The following TGFA variants were observed in gnomAD, a reference collection of about 807,000 sequenced individuals.
The protein encoded by TGFA is protransforming growth factor alpha.
In TGFA, 12 loss-of-function variants were observed where a neutral mutation model predicts 21.7. The observed-to-expected ratio is 0.55, with a 90% CI of 0.35 to 0.90. The LOEUF (loss-of-function observed/expected upper bound fraction) is 0.90. Among genes scored for constraint, TGFA ranks in the 40% least tolerant of loss-of-function variants. TGFA has a pLI of 0.01. For missense variants in TGFA, 178 were observed against 210.8 expected, an observed-to-expected ratio of 0.84 and a Z score of 0.96; for synonymous variants, 79 against 88.1, an observed-to-expected ratio of 0.90 and a Z score of 0.58.
intron 2 of TGFA, among the ~76,000 whole-genome samples, chr2:70,494,832 T>C (rs1433703725): frequency 6.6e-6 from 1 of 152,232 alleles, no homozygotes; most frequent in Non-Finnish European, 1.5e-5. Context: ...GTGTTAAAAT[T>C]TTTGTTATTG....
Position 70,504,068 on chromosome 2 carries a change from C to G in TGFA, c.94+10791G>C, listed in dbSNP as rs61547236. Among the ~76,000 whole-genome samples, 724 of 152,230 alleles carry G rather than the reference C, an allele frequency of 4.8e-3. 7 individuals carry two copies. The highest frequency in any genetic ancestry group is 0.017 in the African/African-American group (706 of 41,530). On this transcript the variant is annotated intron_variant, in intron 2 of 5. Transcript: ENST00000295400. ...ATTTACAATAATAAGAACCTAGACA[C>G]CACAGAACAAAGTCCATCACAGGAA...
At chr2:70,506,155 G>A (rs782448145) in intron 2 of TGFA, among the ~76,000 whole-genome samples, 8 of 152,228 alleles carry the variant, frequency 5.3e-5, no homozygotes, top group African/African-American at 1.9e-4. Context: ...GAGAGAAGAC[G>A]TTTGAGGTTT....
intron 2 of TGFA, among the ~76,000 whole-genome samples, chr2:70,507,817 C>A (rs1455596921): frequency 1.3e-5 from 2 of 152,150 alleles, no homozygotes; most frequent in Admixed American, 6.5e-5. Flanking sequence ...TAAACCAAGG[C>A]CCTGATTTAC....
rs118031814 is a variant in TGFA at position 70,519,951 on chromosome 2, T to A, written c.41-5039A>T. Among the ~76,000 whole-genome samples, 89 of 152,320 alleles carry A rather than the reference T, an allele frequency of 5.8e-4. 1 individual carries two copies. In the East Asian group the frequency reaches 0.016, roughly 28 times the overall value. On this transcript the variant is annotated intron_variant, in intron 1 of 5. Transcript: ENST00000295400. Reference sequence around the variant, plus strand: ...GCTCTGCCACTCCTTCACTGTGAGATCTTGGCTCTATTATGTACCCTTGCT... The same window carrying A: ...GCTCTGCCACTCCTTCACTGTGAGAACTTGGCTCTATTATGTACCCTTGCT...
chr2:70,512,466 G>A (rs557661424), intron 2 of TGFA, among the ~76,000 whole-genome samples: 6 of 152,190 alleles, frequency 3.9e-5, no homozygotes, highest in Admixed American at 6.5e-5. Context: ...TCAGGCCCCC[G>A]AGTGGCACTG....
chr2:70,461,803 TA>T (rs1424595061), intron 3 of TGFA: 56 of 152,360 alleles, frequency 3.7e-4, no homozygotes, highest in African/African-American at 1.3e-3. Context: ...TGGTTGGGAC[TA>T]GGGGATTTAT....
intron 1 of TGFA, among the ~76,000 whole-genome samples, chr2:70,534,747 C>T (rs1180494765): frequency 4.6e-5 from 7 of 152,202 alleles, no homozygotes; most frequent in African/African-American, 1.7e-4. Context: ...TTTTAACCAG[C>T]ATGACAACCA....
At chr2:70,489,290 CA>C (rs1671355400) in intron 2 of TGFA, among the ~76,000 whole-genome samples, 1 of 152,252 alleles carries the variant, frequency 6.6e-6, no homozygotes, top group African/African-American at 2.4e-5. Flanking sequence ...TGGCTTCGCT[CA>C]ACCTGGAGTT....
intron 3 of TGFA, among the ~76,000 whole-genome samples, chr2:70,458,102 GT>G (rs1325488464): frequency 3.6e-4 from 55 of 151,848 alleles, no homozygotes; most frequent in African/African-American, 1.2e-3. Context: ...CAGGGGCAGG[GT>G]TTTTTTTGTT....
At chr2:70,531,029 TG>T (rs1672801124) in intron 1 of TGFA, among the ~76,000 whole-genome samples, 3 of 152,264 alleles carry the variant, frequency 2.0e-5, no homozygotes, top group Admixed American at 2.0e-4. Flanking sequence ...GAAGTGGGTG[TG>T]ATGATGCTGA....
intron 1 of TGFA, among the ~76,000 whole-genome samples, chr2:70,550,690 G>A (rs570350609): frequency 2.6e-5 from 4 of 152,218 alleles, no homozygotes; most frequent in East Asian, 3.9e-4. Context: ...CGGGCGTGGT[G>A]GCGGGCGCCT....
chr2:70,449,670 C>A lies in TGFA; in HGVS notation c.*1189G>T. On this transcript the variant is annotated 3_prime_UTR_variant, in exon 6 of 6. Coordinates refer to ENST00000295400, the MANE Select transcript of TGFA (RefSeq NM_003236.4). ...AATTACTGGAATAGTTTTCCTAGTG[C>A]TCGAAAATAAATAGCAAAGTTAAAC... is the stretch of plus-strand genomic sequence containing the variant. The A allele has an allele frequency of 9.9e-6, 2 of 202,882 alleles. No individual in the cohort carries two copies. The highest frequency in any genetic ancestry group is 6.2e-5 in the South Asian group (1 of 16,146). The allele number at this position is 202,882 out of a possible 1,614,324, so 12.6% of individuals were successfully genotyped here. A position where few individuals can be genotyped will look rare whatever the true frequency, so the allele number is the denominator to read the frequency against.
chr2:70,465,856 C>G, intron 2 of TGFA, 120 bp from the exon 3 acceptor site: 1 of 1,402,062 alleles, frequency 7.1e-7, no homozygotes, highest in Non-Finnish European at 9.6e-7. Context: ...GGGTTCTCAC[C>G]TGGGGCACAC....
intron 2 of TGFA, among the ~76,000 whole-genome samples, chr2:70,501,136 G>A (rs1356800696): frequency 6.6e-6 from 1 of 151,874 alleles, no homozygotes; most frequent in Non-Finnish European, 1.5e-5. Context: ...TCCTGCATAT[G>A]TTAATTAGCT....
intron 2 of TGFA, among the ~76,000 whole-genome samples, chr2:70,488,445 ATC>A (rs1284761109): frequency 6.6e-6 from 1 of 152,224 alleles, no homozygotes; most frequent in Non-Finnish European, 1.5e-5. Context: ...ACAGTTTATC[ATC>A]TCCTTATTGA....
At chr2:70,492,630 A>G (rs1204407295) in intron 2 of TGFA, among the ~76,000 whole-genome samples, 4 of 152,228 alleles carry the variant, frequency 2.6e-5, no homozygotes, top group Non-Finnish European at 5.9e-5. Context: ...CTCTCACTGT[A>G]TGAGGCTTTG....
chr2:70,494,656 CTCT>C (rs1298424719), intron 2 of TGFA, among the ~76,000 whole-genome samples: 1 of 152,152 alleles, frequency 6.6e-6, no homozygotes, highest in Non-Finnish European at 1.5e-5. Flanking sequence ...TTGTACGCAG[CTCT>C]TATTTTTATC....
chr2:70,455,539 T>C (rs1487168780), intron 4 of TGFA, among the ~76,000 whole-genome samples: 1 of 152,224 alleles, frequency 6.6e-6, no homozygotes, highest in African/African-American at 2.4e-5. Flanking sequence ...CAATTAGGTA[T>C]ATTAGGTTGG....
Position 70,532,159 on chromosome 2 carries a change from G to T in TGFA, c.41-17247C>A, listed in dbSNP as rs939565386. Among the ~76,000 whole-genome samples the T allele has an allele frequency of 2.0e-5, 3 of 152,130 alleles. No individual in the cohort carries two copies. The East Asian group carries it at 5.8e-4, about 29-fold the overall frequency. On this transcript the variant is annotated intron_variant, in intron 1 of 5. Coordinates refer to ENST00000295400, the MANE Select transcript of TGFA (RefSeq NM_003236.4). The stretch of plus-strand genomic sequence containing the variant: ...TTTTCAGAAAATTTCTGCCTGTGAA[G>T]CCTCTGAAAATAGCTCATCAGGTGA...
Sources: gnomAD v4.1 joint callset for allele counts (sites outside exome capture counted in the v4.1 genomes callset) on GRCh38, gnomAD v4.1.1 for gene constraint, MANE v1.5 for transcripts, NCBI Gene and HGNC (gene_info 2026-07-23, HGNC 2026-07-21) for gene names.